MTTP: variants seen among roughly 807,000 people sequenced by gnomAD.
The protein encoded by MTTP is microsomal triglyceride transfer protein large subunit.
A neutral mutation model predicts 90.6 loss-of-function variants in MTTP; 49 were observed. The ratio of observed to expected loss-of-function variants is 0.54; its 90% CI spans 0.43 to 0.69. The LOEUF (loss-of-function observed/expected upper bound fraction) is 0.69. Among genes scored for constraint, MTTP ranks in the 30% least tolerant of loss-of-function variants. The pLI is 0.00. For synonymous variants in MTTP, 347 were observed against 384.2 expected (o/e 0.90, Z 1.13); for missense variants, 945 against 1,067.5 (o/e 0.89, Z 1.60).
Position 99,611,096 on chromosome 4 carries a change from A to T in MTTP, c.1770-47A>T, listed in dbSNP as rs2298747. On this transcript the variant is annotated intron_variant, in intron 12 of 17. Coordinates refer to ENST00000265517, the MANE Select transcript of MTTP (RefSeq NM_001386140.1). ...TTTTTCCAAATTTGACTTGGGAAAC[A>T]GTCATTACAATGAATGTGCAGCTTT... is the stretch of plus-strand genomic sequence containing the variant. 222,621 of 1,564,774 alleles carry T rather than the reference A, an allele frequency of 0.14. 19,213 individuals are homozygous for T. The highest frequency in any genetic ancestry group is 0.46 in the East Asian group (20,466 of 44,564).
At position 99,589,676 on chromosome 4, in the gene MTTP, G is replaced by T; in HGVS notation, c.427G>T (p.Val143Leu). 1.2e-6 allele frequency: 2 copies of T among 1,609,918 alleles called. No individual in the cohort carries two copies. Among genetic ancestry groups the T allele is most frequent in the Non-Finnish European group, 1.7e-6 (2 of 1,176,524 alleles). ...GTTCTACTCATATCAAAATGAGGCAGTGGCCATAGAAAATATCAAGAGAGG... is the reference window on the plus strand; with the variant it reads ...GTTCTACTCATATCAAAATGAGGCATTGGCCATAGAAAATATCAAGAGAGG... Reference protein sequence around the residue: ...KEFYSYQNEAVAIENIKRGLA... With the variant: ...KEFYSYQNEALAIENIKRGLA... Residue 143 changes from valine (V) to leucine (L), a missense_variant, in exon 4 of 18, where the codon GTG (valine) becomes TTG (leucine). Transcript: ENST00000265517.
chr4:99,611,204 A>T lies in MTTP; in HGVS notation c.1831A>T (p.Ser611Cys). 1 of 1,613,986 alleles carries T rather than the reference A, an allele frequency of 6.2e-7. No homozygotes were observed. Among genetic ancestry groups the T allele is most frequent in the Non-Finnish European group, 8.5e-7 (1 of 1,179,978 alleles). ...TCACAATTATGACCGTTTCTCCAGGAGTGGATCTTCTTCTGCCTACACTGG... is the reference window on the plus strand; with the variant it reads ...TCACAATTATGACCGTTTCTCCAGGTGTGGATCTTCTTCTGCCTACACTGG... ...VAHNYDRFSRSGSSSAYTGYI... is the reference protein window; with the variant it reads ...VAHNYDRFSRCGSSSAYTGYI... Residue 611 changes from serine to cysteine, a missense_variant, in exon 13 of 18, where the codon AGT becomes TGT. Physicochemically the swap from Ser to Cys is moderately radical, Grantham distance 112. Coordinates refer to ENST00000265517, the MANE Select transcript of MTTP (RefSeq NM_001386140.1).
upstream of MTTP, among the ~76,000 whole-genome samples, chr4:99,570,527 T>C (rs879051961): frequency 2.0e-5 from 3 of 151,980 alleles, no homozygotes; most frequent in East Asian, 3.8e-4. Flanking sequence ...TTAAGACTTA[T>C]TGAGCCTCGT....
chr4:99,617,709 T>C (rs114505421), intron 15 of MTTP, among the ~76,000 whole-genome samples: 151 of 151,860 alleles, frequency 9.9e-4, no homozygotes, highest in African/African-American at 3.6e-3. Flanking sequence ...CCTCAACTAA[T>C]GTACATGAAA....
chr4:99,583,628 A>G, intron 3 of MTTP, 111 bp downstream of exon 3: 3 of 1,304,274 alleles, frequency 2.3e-6, no homozygotes, highest in Non-Finnish European at 3.3e-6. Context: ...TGGTAAATGG[A>G]ATTTCTTCAA....
chr4:99,590,256 C>T (rs112108820), intron 4 of MTTP, among the ~76,000 whole-genome samples: 15,877 of 152,032 alleles, frequency 0.1, 997 homozygotes, highest in Middle Eastern at 0.2. Flanking sequence ...CCACCATGCC[C>T]GGCTTGTATT....
At chr4:99,580,565 ACT>A (rs1426024439) in intron 1 of MTTP, among the ~76,000 whole-genome samples, 3 of 117,478 alleles carry the variant, frequency 2.6e-5, no homozygotes, top group African/African-American at 7.2e-5. Context: ...ACAGAGTGAG[ACT>A]CTGTCTCAAA....
At position 99,591,671 on chromosome 4, in the gene MTTP, AG is replaced by A. The variant is rs2110218614; in HGVS notation, c.640del (p.Ala214LeufsTer9). Reference sequence around the variant, plus strand: ...TTTAGGTCTTGGGTGTCAGTTCAAAAGCTACATCTGTCACCACCTATAAGAT... The same window carrying A: ...TTTAGGTCTTGGGTGTCAGTTCAAAACTACATCTGTCACCACCTATAAGAT... Reference protein sequence around the residue: ...PNQVLGVSSKATSVTTYKIED... With the variant: ...PNQVLGVSSKXTSVTTYKIED... On this transcript the variant is annotated frameshift_variant, in exon 6 of 18. Transcript: ENST00000265517. LOFTEE classifies it high-confidence loss of function. The A allele has an allele frequency of 6.2e-7, 1 of 1,612,896 alleles. No homozygotes were observed. Among genetic ancestry groups the A allele is most frequent in the South Asian group, 1.1e-5 (1 of 90,988 alleles).
chr4:99,622,655 T>C, intron 17 of MTTP, 22 bp from the exon 18 acceptor site: 1 of 1,613,008 alleles, frequency 6.2e-7, no homozygotes, highest in Non-Finnish European at 8.5e-7. Context: ...GTAATTCTGT[T>C]ATTGTTGCTG....
chr4:99,600,687 G>A lies in MTTP; in HGVS notation c.1190G>A (p.Cys397Tyr), dbSNP rs1311781683. The change falls in exon 9 of 18, where the codon TGT (cysteine) becomes TAT (tyrosine). Residue 397 changes from cysteine to tyrosine, a missense_variant. Transcript: ENST00000265517. ...IILQERFLYA[C>Y]GFASHPNEEL... The stretch of plus-strand genomic sequence containing the variant: ...CTCCAGGAGAGGTTTCTCTATGCCT[G>A]TGGATTTGCTTCTCATCCCAATGAA... 6.2e-7 allele frequency: 1 copy of A among 1,613,796 alleles called. No individual in the cohort carries two copies. The highest frequency in any genetic ancestry group is 8.5e-7 in the Non-Finnish European group (1 of 1,179,808).
chr4:99,564,178 T>C, exon 1 of MTTP: 1 of 1,535,528 alleles, frequency 6.5e-7, no homozygotes, highest in African/African-American at 1.4e-5. Context: ...GTGATGTCTG[T>C]TTTTTCCCGT....
intron 10 of MTTP, among the ~76,000 whole-genome samples, chr4:99,604,190 A>C (rs1316359314): frequency 1.3e-5 from 2 of 152,132 alleles, no homozygotes; most frequent in Non-Finnish European, 2.9e-5. Flanking sequence ...AATAAGCACA[A>C]ATTTAAGGTA....
At chr4:99,621,326 A>G (rs1726226678) in intron 17 of MTTP, 95 bp downstream of exon 17, 2 of 1,405,882 alleles carry the variant, frequency 1.4e-6, no homozygotes, top group Non-Finnish European at 2.0e-6. Flanking sequence ...AATTAAAACA[A>G]AACAGTAGAA....
chr4:99,606,603 T>C, intron 10 of MTTP, 145 bp from the exon 11 acceptor site: 1 of 757,614 alleles, frequency 1.3e-6, no homozygotes, highest in Middle Eastern at 3.8e-4. Context: ...TTTGCTTTTA[T>C]TCCACTGTGT....
chr4:99,583,440 A>C lies in MTTP; in HGVS notation c.316A>C (p.Ser106Arg). The change falls in exon 3 of 18, where the codon AGC becomes CGC. Residue 106 changes from serine (S) to arginine (R), a missense_variant. By Grantham distance (110) the Ser-to-Arg change is moderately radical. Transcript: ENST00000265517. ...AGAGAAGAGCATCTTCAAAGGAAAA[A>C]GCCCATCTAAAATAATGGGAAAGGA... ...RGEKSIFKGK[S>R]PSKIMGKENL... 2 of 1,613,568 alleles carry C rather than the reference A, an allele frequency of 1.2e-6. No homozygotes were observed. The highest frequency in any genetic ancestry group is 8.5e-7 in the Non-Finnish European group (1 of 1,179,744).
intron 10 of MTTP, among the ~76,000 whole-genome samples, chr4:99,605,869 A>ATGTGTGTG (rs111417359): frequency 0.068 from 10,173 of 149,240 alleles, 467 homozygotes; most frequent in Middle Eastern, 0.15. Context: ...AACCCCATGT[A>ATGTGTGTG]TGTGTGTGTG....
intron 7 of MTTP, 21 bp downstream of exon 7, chr4:99,594,904 G>A (rs201559780): frequency 6.2e-7 from 1 of 1,611,886 alleles, no homozygotes; most frequent in Non-Finnish European, 8.5e-7. Context: ...ACAAATATGG[G>A]AATAATCATG....
chr4:99,574,777 C>T, upstream of MTTP: 1 of 1,585,150 alleles, frequency 6.3e-7, no homozygotes, highest in Non-Finnish European at 8.6e-7. Context: ...TGGAGTCTGA[C>T]CTTTCCCCAA....
In MTTP at chr4:99,574,828, C is replaced by T. The variant is rs767201629; in HGVS notation, c.-82C>T. ...TTGCAGGTTCTGAAGAGGGTCACTC[C>T]CTCACTGGCTGCCATTGAAAGAGTC... On this transcript the variant is annotated 5_prime_UTR_variant, in exon 1 of 18. Transcript: ENST00000265517. 446 of 1,613,634 alleles carry T rather than the reference C, an allele frequency of 2.8e-4. No individual in the cohort carries two copies. The highest frequency in any genetic ancestry group is 8.1e-4 in the South Asian group (74 of 91,042).
Sources: gnomAD v4.1 joint callset for allele counts (sites outside exome capture counted in the v4.1 genomes callset) on GRCh38, gnomAD v4.1.1 for gene constraint, MANE v1.5 for transcripts, NCBI Gene and HGNC (gene_info 2026-07-23, HGNC 2026-07-21) for gene names.